NFATC1: variants seen among roughly 807,000 people sequenced by gnomAD.
NFATC1 encodes nuclear factor of activated T cells 1.
In NFATC1, 22 loss-of-function variants were observed where a neutral mutation model predicts 76.0. The observed-to-expected ratio is 0.29, with a 90% CI of 0.21 to 0.41. The LOEUF (loss-of-function observed/expected upper bound fraction) is 0.41, where lower values mean the gene tolerates loss of function less well. NFATC1 is among the 10% of genes least tolerant of loss of function. The pLI is 1.00. For synonymous variants in NFATC1, 704 were observed against 613.1 expected (o/e 1.15, Z -2.19); for missense variants, 1,357 against 1,337.7 (o/e 1.01, Z -0.23).
chr18:79,480,807 G>A (rs994199067), intron 8 of NFATC1, among the ~76,000 whole-genome samples: 2 of 152,188 alleles, frequency 1.3e-5, no homozygotes, highest in Non-Finnish European at 2.9e-5. Context: ...AGTTTTTAAA[G>A]CGCTCGGGAC....
In NFATC1 at chr18:79,410,777, C is replaced by T. The variant is rs1568924602; in HGVS notation, c.502C>T (p.Pro168Ser). 3 of 1,612,830 alleles carry T rather than the reference C, an allele frequency of 1.9e-6. No homozygotes were observed. Among genetic ancestry groups the T allele is most frequent in the East Asian group, 2.2e-5 (1 of 44,886 alleles). Residue 168 changes from proline (P) to serine (S), a missense_variant, in exon 2 of 10, where the codon CCC becomes TCC. By Grantham distance (74) the Pro-to-Ser change is moderately conservative. Coordinates refer to ENST00000427363, the MANE Select transcript of NFATC1 (RefSeq NM_001278669.2). The surrounding 1 kb of genome is among the most constrained non-coding windows in gnomAD (Gnocchi z 6.7). The part of the protein sequence containing the change: ...SLPSLEAYRD[P>S]SCLSPASSLS... ...GCCCAGCCTGGAGGCCTACAGAGAC[C>T]CCTCGTGCCTGAGCCCGGCCAGCAG...
intron 6 of NFATC1, 29 bp from the exon 7 acceptor site, chr18:79,461,282 C>A: frequency 6.2e-7 from 1 of 1,613,672 alleles, no homozygotes; most frequent in Non-Finnish European, 8.5e-7. Context: ...CACACAGAGT[C>A]ACAGACGTTT....
intron 8 of NFATC1, among the ~76,000 whole-genome samples, chr18:79,474,610 T>C (rs1382593727): frequency 6.9e-6 from 1 of 144,820 alleles, no homozygotes; most frequent in African/African-American, 2.6e-5. Flanking sequence ...ACGCTCACTG[T>C]TGACGTAAAC....
At chr18:79,411,544 C>CGCGGG in intron 2 of NFATC1, 43 bp downstream of exon 2, 5 of 1,313,170 alleles carry the variant, frequency 3.8e-6, no homozygotes, top group Admixed American at 3.7e-5. Flanking sequence ...CGAGGGGAGG[C>CGCGGG]GCGGGGCGGG....
chr18:79,436,738 T>C (rs1444859382), intron 3 of NFATC1, among the ~76,000 whole-genome samples: 1 of 151,352 alleles, frequency 6.6e-6, no homozygotes, highest in African/African-American at 2.4e-5. Flanking sequence ...CGTGAGGGGG[T>C]CCGGCATCCG....
chr18:79,410,027 C>A lies in NFATC1; in HGVS notation c.128-376C>A, dbSNP rs1351940979. 6 of 585,320 alleles carry A rather than the reference C, an allele frequency of 1.0e-5. No homozygotes were observed. Among genetic ancestry groups the A allele is most frequent in the Non-Finnish European group, 1.6e-5 (5 of 303,870 alleles). 36.3% of individuals were successfully genotyped at this position (585,320 alleles called of 1,614,324 possible). On this transcript the variant is annotated intron_variant, in intron 1 of 9. Coordinates refer to ENST00000427363, the MANE Select transcript of NFATC1 (RefSeq NM_001278669.2). This position sits in a 1 kb window ranked among gnomAD's most constrained non-coding sequence, Gnocchi z 6.7. ...AGAGCGGAACCCGTGAGGACCCAGT[C>A]GCCTCTCTCTGGGAAGGACGTTCGG...
At chr18:79,522,563 G>T (rs2090641375) in intron 9 of NFATC1, among the ~76,000 whole-genome samples, 1 of 151,912 alleles carries the variant, frequency 6.6e-6, no homozygotes, top group South Asian at 2.1e-4. Context: ...GCTGATGTGT[G>T]TGTTTTGCTT....
intron 2 of NFATC1, among the ~76,000 whole-genome samples, chr18:79,431,271 A>G (rs1183793148): frequency 6.6e-6 from 1 of 152,234 alleles, no homozygotes; most frequent in Non-Finnish European, 1.5e-5. Context: ...AGGTGTTTGT[A>G]TTTTTAAAAA....
intron 9 of NFATC1, among the ~76,000 whole-genome samples, chr18:79,505,701 C>G (rs1445332668): frequency 2.6e-5 from 3 of 114,342 alleles, no homozygotes; most frequent in African/African-American, 1.2e-4. Flanking sequence ...GGAGGTGGTG[C>G]TGGAGGCCCT....
chr18:79,462,036 C>A (rs752352189), intron 7 of NFATC1, among the ~76,000 whole-genome samples: 4 of 152,210 alleles, frequency 2.6e-5, no homozygotes, highest in African/African-American at 9.6e-5. Context: ...CCGTTTCCAA[C>A]TCCCCCAGTC....
intron 2 of NFATC1, among the ~76,000 whole-genome samples, chr18:79,431,623 T>C (rs1201098284): frequency 1.4e-5 from 2 of 147,292 alleles, no homozygotes; most frequent in Non-Finnish European, 3.0e-5. Flanking sequence ...ACTCCTGAGC[T>C]CAAGTGATCT....
intron 6 of NFATC1, among the ~76,000 whole-genome samples, chr18:79,453,120 G>T (rs184643669): frequency 6.6e-6 from 1 of 152,254 alleles, no homozygotes; most frequent in African/African-American, 2.4e-5. Flanking sequence ...TCGGGAGGAG[G>T]CTAATTTTGA....
At chr18:79,480,589 CG>C (rs893532116) in intron 8 of NFATC1, among the ~76,000 whole-genome samples, 2 of 152,068 alleles carry the variant, frequency 1.3e-5, no homozygotes, top group Non-Finnish European at 2.9e-5. Flanking sequence ...TGGAGAGATG[CG>C]GGGGTTAATG....
rs3786198 is a variant in NFATC1 at position 79,469,438 on chromosome 18, C to T, written c.2092+1856C>T. 65 of 985,272 alleles carry T rather than the reference C, an allele frequency of 6.6e-5. 1 individual carries two copies. In the East Asian group the frequency reaches 5.6e-3, roughly 85 times the overall value. The allele number at this position is 985,272 out of a possible 1,614,324, so 61.0% of individuals were successfully genotyped here. A position where few individuals can be genotyped will look rare whatever the true frequency, so the allele number is the denominator to read the frequency against. On this transcript the variant is annotated intron_variant, in intron 8 of 9. Transcript: ENST00000427363. ...CCTGCCCTTCACAGGTGGGAGGTGGCGGCCCCCAGGACCGTGGCCACAGCA... is the reference window on the plus strand; with the variant it reads ...CCTGCCCTTCACAGGTGGGAGGTGGTGGCCCCCAGGACCGTGGCCACAGCA...
chr18:79,416,688 G>A (rs1264292382), intron 2 of NFATC1, among the ~76,000 whole-genome samples: 2 of 152,180 alleles, frequency 1.3e-5, no homozygotes, highest in Admixed American at 6.5e-5. Context: ...GGGCTGGAAC[G>A]GCTCAGGACT....
chr18:79,524,183 T>A lies in NFATC1; in HGVS notation c.2783-3345T>A, dbSNP rs1021394362. 3.3e-5 allele frequency: 5 copies of A among 151,910 alleles called. No individual in the cohort carries two copies. The highest frequency in any genetic ancestry group is 1.3e-4 in the Admixed American group (2 of 15,242). The allele number at this position is 151,910 out of a possible 1,614,324, so 9.4% of individuals were successfully genotyped here. ...AAGGAGTTGGGGGGTGGGGGGGCGG[T>A]CCTGTCTTTCAGCCCAGCGCCAGCG... On this transcript the variant is annotated intron_variant, in intron 9 of 9. Coordinates refer to ENST00000427363, the MANE Select transcript of NFATC1 (RefSeq NM_001278669.2). The surrounding 1 kb of genome is among the most constrained non-coding windows in gnomAD (Gnocchi z 7.2).
At chr18:79,411,686 A>G (rs562799999) in intron 2 of NFATC1, among the ~76,000 whole-genome samples, 185 bp downstream of exon 2, 5 of 152,286 alleles carry the variant, frequency 3.3e-5, no homozygotes, top group African/African-American at 9.6e-5. Context: ...CTGCCTCCTC[A>G]TGCAGACTTT....
At chr18:79,411,664 CTG>C (rs1388220864) in intron 2 of NFATC1, among the ~76,000 whole-genome samples, 163 bp downstream of exon 2, 3 of 152,174 alleles carry the variant, frequency 2.0e-5, no homozygotes. Flanking sequence ...GAGGCAGAGT[CTG>C]TCCCCATGTC....
chr18:79,507,787 C>T (rs1179786497), intron 9 of NFATC1, among the ~76,000 whole-genome samples: 2 of 152,264 alleles, frequency 1.3e-5, no homozygotes, highest in African/African-American at 2.4e-5. Context: ...CGTTAGTGAG[C>T]GCATTCGCAT....
Sources: allele counts gnomAD v4.1 joint callset (sites outside exome capture counted in the v4.1 genomes callset), GRCh38; gene constraint gnomAD v4.1.1; non-coding constraint Gnocchi (gnomAD v3.1); transcripts MANE v1.5; gene names NCBI Gene and HGNC (gene_info 2026-07-23, HGNC 2026-07-21).